ZRANB3: variants seen among roughly 807,000 people sequenced by gnomAD.
The protein encoded by ZRANB3 is zinc finger RANBP2-type containing 3.
In ZRANB3, 125 loss-of-function variants were observed where a neutral mutation model predicts 133.8. The observed-to-expected ratio is 0.93, with a 90% confidence interval of 0.81 to 1.08. The LOEUF (loss-of-function observed/expected upper bound fraction) is 1.08. Ranked by LOEUF, ZRANB3 falls within the 50% of genes least tolerant of loss-of-function variation. The pLI, the probability that ZRANB3 is intolerant of heterozygous loss-of-function variation, is 0.00. For synonymous variants in ZRANB3, 387 were observed against 432.7 expected (o/e 0.89, Z 1.31); for missense variants, 1,229 against 1,275.5 (o/e 0.96, Z 0.56).
intron 1 of ZRANB3, among the ~76,000 whole-genome samples, chr2:135,524,155 C>A (rs868324612): frequency 6.6e-6 from 1 of 151,842 alleles, no homozygotes; most frequent in Non-Finnish European, 1.5e-5. Flanking sequence ...GGCACAATCT[C>A]GGGTCACTGC....
At chr2:135,524,220 TACAGGCATGCACCA>T (rs1357448254) in intron 1 of ZRANB3, among the ~76,000 whole-genome samples, 2 of 152,118 alleles carry the variant, frequency 1.3e-5, no homozygotes, top group Non-Finnish European at 2.9e-5. Flanking sequence ...TAGCTGGAAC[TACAGGCATGCACCA>T]CCACAGCTGG....
chr2:135,421,519 CTT>C (rs1688841589), intron 2 of ZRANB3, among the ~76,000 whole-genome samples: 1 of 152,134 alleles, frequency 6.6e-6, no homozygotes, highest in African/African-American at 2.4e-5. Flanking sequence ...TATAGTAGCA[CTT>C]TAAAGCTTCC....
Position 135,342,880 on chromosome 2 carries a change from G to T in ZRANB3, c.677+2670C>A, listed in dbSNP as rs1037088532. ...TTAAAAACTGTAATCAAGGGTAAAT[G>T]TTGGCTGGGCATGGTAGCTCACACC... is the stretch of plus-strand genomic sequence containing the variant. On this transcript the variant is annotated intron_variant, in intron 6 of 20. Transcript: ENST00000264159. Among the ~76,000 whole-genome samples, 4 of 148,444 alleles carry T rather than the reference G, an allele frequency of 2.7e-5. 1 individual carries two copies. Among genetic ancestry groups the T allele is most frequent in the African/African-American group, 7.8e-5 (3 of 38,284 alleles).
Position 135,314,899 on chromosome 2 carries a change from G to A in ZRANB3, c.849+460C>T, listed in dbSNP as rs757516592. Among the ~76,000 whole-genome samples the A allele has an allele frequency of 4.6e-5, 7 of 151,726 alleles. No homozygotes were observed. The East Asian group carries it at 5.8e-4, about 13-fold the overall frequency. On this transcript the variant is annotated intron_variant, in intron 7 of 20. Transcript: ENST00000264159. The stretch of plus-strand genomic sequence containing the variant: ...CGAGTAGCTGGGATTACGGGCACTC[G>A]CCACCACACTCAACTAATTTTTGTA...
At chr2:135,408,815 G>C (rs1323332813) in intron 2 of ZRANB3, among the ~76,000 whole-genome samples, 1 of 151,960 alleles carries the variant, frequency 6.6e-6, no homozygotes, top group Non-Finnish European at 1.5e-5. Context: ...TCACACACTG[G>C]GGCCTGTTGT....
Position 135,419,216 on chromosome 2 carries a change from C to T in ZRANB3, c.162-28396G>A, listed in dbSNP as rs543870168. ...CCTCCCAAAATGCTGGGATTACAGG[C>T]CTGAGCCACCGCACCTAGGCTTTTT... On this transcript the variant is annotated intron_variant, in intron 2 of 20. Coordinates refer to ENST00000264159, the MANE Select transcript of ZRANB3 (RefSeq NM_032143.4). Among the ~76,000 whole-genome samples, 3 of 152,088 alleles carry T rather than the reference C, an allele frequency of 2.0e-5. No individual in the cohort carries two copies. In the East Asian group the frequency reaches 5.8e-4, roughly 29 times the overall value.
At chr2:135,304,348 A>T (rs993201499) in intron 8 of ZRANB3, among the ~76,000 whole-genome samples, 1 of 152,216 alleles carries the variant, frequency 6.6e-6, no homozygotes, top group Non-Finnish European at 1.5e-5. Context: ...TGAAATAATC[A>T]TATGGTTTTC....
intron 1 of ZRANB3, among the ~76,000 whole-genome samples, chr2:135,504,835 G>C (rs1003627042): frequency 3.0e-4 from 46 of 151,934 alleles, no homozygotes; most frequent in African/African-American, 9.9e-4. Context: ...TTAAAATAAG[G>C]GATGAATCTG....
intron 2 of ZRANB3, among the ~76,000 whole-genome samples, chr2:135,422,530 G>T (rs1688908863): frequency 6.6e-6 from 1 of 152,022 alleles, no homozygotes; most frequent in African/African-American, 2.4e-5. Flanking sequence ...CCACAGGACA[G>T]AAGGAGAAAA....
At chr2:135,313,285 G>A (rs1437456155) in intron 8 of ZRANB3, among the ~76,000 whole-genome samples, 5 of 150,684 alleles carry the variant, frequency 3.3e-5, no homozygotes, top group African/African-American at 4.9e-5. Flanking sequence ...CCTGGGAGGC[G>A]GAGGCTGCAG....
intron 2 of ZRANB3, among the ~76,000 whole-genome samples, chr2:135,411,517 A>G (rs1221533727): frequency 6.6e-6 from 1 of 152,196 alleles, no homozygotes; most frequent in Admixed American, 6.5e-5. Flanking sequence ...GAATCAACCT[A>G]AGTGTCCATC....
At chr2:135,446,220 A>C (rs2104999306) in intron 2 of ZRANB3, among the ~76,000 whole-genome samples, 1 of 152,138 alleles carries the variant, frequency 6.6e-6, no homozygotes, top group African/African-American at 2.4e-5. Flanking sequence ...AAAAAAAAAA[A>C]AGAAAGAAAT....
chr2:135,318,561 T>C (rs1329252069), intron 6 of ZRANB3, among the ~76,000 whole-genome samples: 1 of 152,164 alleles, frequency 6.6e-6, no homozygotes, highest in African/African-American at 2.4e-5. Flanking sequence ...AGTATGTGTG[T>C]AGATGTGTGT....
chr2:135,415,442 A>C (rs1688521940), intron 2 of ZRANB3, among the ~76,000 whole-genome samples: 1 of 152,026 alleles, frequency 6.6e-6, no homozygotes, highest in Non-Finnish European at 1.5e-5. Context: ...CAATAACAAG[A>C]CCTGAAATTG....
chr2:135,379,427 G>A (rs768354948), intron 3 of ZRANB3, among the ~76,000 whole-genome samples: 5 of 152,184 alleles, frequency 3.3e-5, no homozygotes, highest in Non-Finnish European at 5.9e-5. Context: ...GGACTGTAAT[G>A]TAATTGACAG....
intron 2 of ZRANB3, among the ~76,000 whole-genome samples, chr2:135,500,868 TAGCACAGA>T (rs1692910713): frequency 6.6e-6 from 1 of 151,814 alleles, no homozygotes; most frequent in South Asian, 2.1e-4. Context: ...AGTCATAATG[TAGCACAGA>T]CAGAGAAAAT....
chr2:135,350,975 G>A (rs1310931837), intron 4 of ZRANB3, among the ~76,000 whole-genome samples: 1 of 152,122 alleles, frequency 6.6e-6, no homozygotes, highest in African/African-American at 2.4e-5. Flanking sequence ...CATGAGATTG[G>A]TAAGGGCAGG....
Position 135,363,344 on chromosome 2 carries a change from T to A in ZRANB3, c.181-9716A>T, listed in dbSNP as rs114625589. Among the ~76,000 whole-genome samples, 453 of 152,204 alleles carry A rather than the reference T, an allele frequency of 3.0e-3. 2 individuals are homozygous for A. The highest frequency in any genetic ancestry group is 0.01 in the African/African-American group (429 of 41,514). ...CACCTCACCCAGCTCATATTTAATC[T>A]TAAAGAGTCACAAGACAGTAAAAAA... On this transcript the variant is annotated intron_variant, in intron 3 of 20. Transcript: ENST00000264159.
chr2:135,382,747 A>C (rs1268489839), intron 3 of ZRANB3, among the ~76,000 whole-genome samples: 5 of 152,214 alleles, frequency 3.3e-5, no homozygotes, highest in Admixed American at 6.5e-5. Flanking sequence ...ACTAAGCTTC[A>C]TAAGTGAAGG....
Sources: gnomAD v4.1 joint callset for allele counts (sites outside exome capture counted in the v4.1 genomes callset) on GRCh38, gnomAD v4.1.1 for gene constraint, MANE v1.5 for transcripts, NCBI Gene and HGNC (gene_info 2026-07-23, HGNC 2026-07-21) for gene names.